Variants in PAPPA2 observed in about 807,000 individuals in gnomAD.
PAPPA2 encodes the protein pappalysin 2.
In PAPPA2, 86 loss-of-function variants were observed where a neutral mutation model predicts 176.4. The observed-to-expected ratio is 0.49, with a 90% confidence interval of 0.41 to 0.58. PAPPA2 has a LOEUF of 0.58. Ranked by LOEUF, PAPPA2 falls within the 20% of genes least tolerant of loss-of-function variation. The pLI is 0.00. For missense variants in PAPPA2, 2,073 were observed against 2,256.9 expected (o/e 0.92, Z 1.65); for synonymous variants, 809 against 852.2 (o/e 0.95, Z 0.88).
Position 176,840,220 on chromosome 1 carries a change from C to CTG in PAPPA2, c.5251_5252dup (p.His1752AlafsTer56). On this transcript the variant is annotated frameshift_variant, in exon 22 of 23. Coordinates refer to ENST00000367662, the MANE Select transcript of PAPPA2 (RefSeq NM_020318.3). LOFTEE classifies it high-confidence loss of function. ...GTGACACTATCAACAACCGAGCCTA[C>CTG]TGCCACTATGACGGGGGAGACTGCT... 6.2e-7 allele frequency: 1 copy of CTG among 1,613,582 alleles called. No homozygotes were observed. The highest frequency in any genetic ancestry group is 8.5e-7 in the Non-Finnish European group (1 of 1,179,686).
rs76534350 is a variant in PAPPA2 at position 176,554,243 on chromosome 1, G to T, written c.-916-1164G>T. On this transcript the variant is annotated intron_variant, in intron 1 of 22. Coordinates refer to ENST00000367662, the MANE Select transcript of PAPPA2 (RefSeq NM_020318.3). ...GATGATGAGACTCAAGGCAGAAGAG[G>T]CAGTGCGATCTTACTCCAGAGTATG... Among the ~76,000 whole-genome samples the T allele has an allele frequency of 4.3e-3, 651 of 152,286 alleles. 6 individuals carry two copies. The highest frequency in any genetic ancestry group is 0.015 in the African/African-American group (603 of 41,544).
intron 3 of PAPPA2, among the ~76,000 whole-genome samples, chr1:176,606,496 G>A (rs1168081505): frequency 6.6e-6 from 1 of 152,142 alleles, no homozygotes; most frequent in Non-Finnish European, 1.5e-5. Context: ...ATGGAGTCTT[G>A]CTCTGTCACC....
chr1:176,476,667 T>C (rs933643374), intron 1 of PAPPA2, among the ~76,000 whole-genome samples: 2 of 152,204 alleles, frequency 1.3e-5, no homozygotes, highest in African/African-American at 4.8e-5. Context: ...AGCCTTTTCA[T>C]TTCAATTGAT....
intron 1 of PAPPA2, among the ~76,000 whole-genome samples, chr1:176,485,261 G>C (rs965545625): frequency 1.3e-5 from 2 of 152,124 alleles, no homozygotes; most frequent in African/African-American, 4.8e-5. Flanking sequence ...CAGAGTAAAA[G>C]TCCTTATTAA....
At chr1:176,582,570 A>C (rs1653051577) in intron 2 of PAPPA2, among the ~76,000 whole-genome samples, 1 of 152,166 alleles carries the variant, frequency 6.6e-6, no homozygotes, top group Non-Finnish European at 1.5e-5. Context: ...GAAATGAATA[A>C]ATAATTTTTG....
chr1:176,765,823 A>G lies in PAPPA2; in HGVS notation c.4309A>G (p.Ile1437Val). The G allele has an allele frequency of 6.2e-7, 1 of 1,613,998 alleles. No homozygotes were observed. The highest frequency in any genetic ancestry group is 8.5e-7 in the Non-Finnish European group (1 of 1,179,964). The change falls in exon 15 of 23, where the codon ATC (isoleucine) becomes GTC (valine). Residue 1437 changes from isoleucine to valine, a missense_variant. Ile to Val is a conservative substitution (Grantham distance 29). Transcript: ENST00000367662. ...CCTTCAGGCCAGCAGTGGGCAGTAC[A>G]TCAGGCCCATGCAGGTGAGTTGAAA... ...FALQASSGQY[I>V]RPMQKEILLT...
Position 176,594,894 on chromosome 1 carries a change from G to T in PAPPA2, c.1290G>T (p.Ser430=), listed in dbSNP as rs746898916. The T allele has an allele frequency of 6.2e-7, 1 of 1,614,038 alleles. No individual in the cohort carries two copies. Among genetic ancestry groups the T allele is most frequent in the Non-Finnish European group, 8.5e-7 (1 of 1,180,040 alleles). Residue 430 remains serine, a synonymous_variant, in exon 3 of 23, where the codon TCG becomes TCT. Coordinates refer to ENST00000367662, the MANE Select transcript of PAPPA2 (RefSeq NM_020318.3). ...RGHLGTLVFW[S]TALPQSHFQH... ...ACCTGGGCACACTGGTTTTCTGGTC[G>T]ACCGCCCTGCCACAAAGCCATTTTC...
intron 14 of PAPPA2, among the ~76,000 whole-genome samples, chr1:176,749,539 C>A (rs574176286): frequency 7.2e-4 from 110 of 152,306 alleles, no homozygotes; most frequent in African/African-American, 2.5e-3. Flanking sequence ...AATGATACAT[C>A]ATTACAGTAT....
At chr1:176,802,969 A>G (rs1208121205) in intron 21 of PAPPA2, among the ~76,000 whole-genome samples, 1 of 152,180 alleles carries the variant, frequency 6.6e-6, no homozygotes, top group Non-Finnish European at 1.5e-5. Flanking sequence ...TTGTGTTCCC[A>G]TTGTCCCAGC....
intron 12 of PAPPA2, among the ~76,000 whole-genome samples, chr1:176,715,173 C>A (rs1413711938): frequency 1.3e-5 from 2 of 152,190 alleles, no homozygotes; most frequent in Admixed American, 1.3e-4. Flanking sequence ...ATAATTCTAT[C>A]TTTAGTACCC....
intron 1 of PAPPA2, among the ~76,000 whole-genome samples, chr1:176,515,113 T>C (rs955350523): frequency 1.3e-5 from 2 of 152,196 alleles, no homozygotes; most frequent in East Asian, 1.9e-4. Flanking sequence ...AATTAAAATA[T>C]ATACCTCCTA....
At chr1:176,496,998 CAGAA>C (rs1452104473) in intron 1 of PAPPA2, among the ~76,000 whole-genome samples, 1 of 151,880 alleles carries the variant, frequency 6.6e-6, no homozygotes, top group African/African-American at 2.4e-5. Context: ...TTTAACTAGA[CAGAA>C]AGAGATTTGG....
At chr1:176,718,492 CCTCT>C (rs67382509) in intron 12 of PAPPA2, among the ~76,000 whole-genome samples, 10,919 of 151,384 alleles carry the variant, frequency 0.072, 499 homozygotes, top group Middle Eastern at 0.1. Context: ...TGCTTTTTGT[CCTCT>C]CTGTTTTTAA....
At chr1:176,582,659 G>T (rs1297131057) in intron 2 of PAPPA2, among the ~76,000 whole-genome samples, 1 of 151,904 alleles carries the variant, frequency 6.6e-6, no homozygotes, top group Non-Finnish European at 1.5e-5. Context: ...GATTTGGTTT[G>T]CTAATATTTT....
intron 20 of PAPPA2, among the ~76,000 whole-genome samples, chr1:176,797,826 T>A (rs984622336): frequency 1.3e-5 from 2 of 152,170 alleles, no homozygotes; most frequent in Non-Finnish European, 2.9e-5. Context: ...CCTCCAATTA[T>A]AATTGCTAAG....
intron 14 of PAPPA2, among the ~76,000 whole-genome samples, chr1:176,742,861 G>C (rs2102877255): frequency 6.6e-6 from 1 of 152,168 alleles, no homozygotes; most frequent in Admixed American, 6.5e-5. Context: ...CATGGGCAGG[G>C]GAGAGCTGAC....
rs1006391606 is a variant in PAPPA2, at chr1:176,724,853, C to A, written c.3798+12872C>A. Among the ~76,000 whole-genome samples, 4 of 152,248 alleles carry A rather than the reference C, an allele frequency of 2.6e-5. No homozygotes were observed. In the East Asian group the frequency reaches 5.8e-4, roughly 22 times the overall value. On this transcript the variant is annotated intron_variant, in intron 12 of 22. Coordinates refer to ENST00000367662, the MANE Select transcript of PAPPA2 (RefSeq NM_020318.3). Reference sequence around the variant, plus strand: ...TTTATTATTAATTCTCATACAAATTCTTACTAGAGATATGATTTTTCTCAT... The same window carrying A: ...TTTATTATTAATTCTCATACAAATTATTACTAGAGATATGATTTTTCTCAT...
chr1:176,529,301 A>AACGAGCC (rs1250910722), intron 1 of PAPPA2, among the ~76,000 whole-genome samples: 1 of 152,096 alleles, frequency 6.6e-6, no homozygotes, highest in African/African-American at 2.4e-5. Context: ...AAAGTCTCAG[A>AACGAGCC]ACGAGCCAGA....
chr1:176,666,521 C>T lies in PAPPA2; in HGVS notation c.1992-4449C>T, dbSNP rs181983158. On this transcript the variant is annotated intron_variant, in intron 3 of 22. Coordinates refer to ENST00000367662, the MANE Select transcript of PAPPA2 (RefSeq NM_020318.3). ...CTCAGAAAACCTCATCTTGTGGGAT[C>T]GGGAAAAGGGAATACAAATAGGTAA... 3.3e-3 allele frequency among the ~76,000 whole-genome samples: 480 copies of T among 144,678 alleles called. 2 individuals carry two copies. The highest frequency in any genetic ancestry group is 0.012 in the African/African-American group (453 of 38,984). The allele number at this position is 144,678 out of a possible 152,430, so 94.9% of individuals were successfully genotyped here. A position where few individuals can be genotyped will look rare whatever the true frequency, so the allele number is the denominator to read the frequency against.
Sources: gnomAD v4.1 joint callset for allele counts (sites outside exome capture counted in the v4.1 genomes callset) on GRCh38, gnomAD v4.1.1 for gene constraint, MANE v1.5 for transcripts, NCBI Gene and HGNC (gene_info 2026-07-23, HGNC 2026-07-21) for gene names.